Variants in DMXL2 observed in about 807,000 individuals in gnomAD.
The protein encoded by DMXL2 is dmX-like protein 2.
In DMXL2, 103 loss-of-function variants were observed where a neutral mutation model predicts 331.1. The ratio of observed to expected loss-of-function variants is 0.31; its 90% CI spans 0.27 to 0.37. The LOEUF is 0.37. Among genes scored for constraint, DMXL2 ranks in the 10% least tolerant of loss-of-function variants. The pLI, the probability that DMXL2 is intolerant of heterozygous loss-of-function variation, is 1.00. For synonymous variants in DMXL2, 1,281 were observed against 1,252.1 expected (o/e 1.02, Z -0.49); for missense variants, 3,171 against 3,642.9 (o/e 0.87, Z 3.33).
chr15:51,571,973 C>G (rs2050697835), intron 2 of DMXL2, among the ~76,000 whole-genome samples: 1 of 152,104 alleles, frequency 6.6e-6, no homozygotes. Flanking sequence ...ATGAAAAACT[C>G]TTCAAAAAAT....
chr15:51,509,927 A>C (rs1301560086), intron 15 of DMXL2, among the ~76,000 whole-genome samples: 1 of 152,228 alleles, frequency 6.6e-6, no homozygotes, highest in East Asian at 1.9e-4. Flanking sequence ...AATGTACTCC[A>C]TCACGTAAAC....
chr15:51,521,979 A>C (rs1481721000), intron 13 of DMXL2, among the ~76,000 whole-genome samples: 11 of 152,066 alleles, frequency 7.2e-5, no homozygotes, highest in Non-Finnish European at 1.6e-4. Flanking sequence ...ACACTATACC[A>C]CCCTATCTTT....
chr15:51,512,828 A>G (rs1345765464), intron 15 of DMXL2, among the ~76,000 whole-genome samples: 1 of 152,096 alleles, frequency 6.6e-6, no homozygotes, highest in Non-Finnish European at 1.5e-5. Flanking sequence ...AAAAAAAAAA[A>G]AAAATTCGGG....
At chr15:51,539,007 C>A (rs890600613) in intron 9 of DMXL2, among the ~76,000 whole-genome samples, 1 of 151,672 alleles carries the variant, frequency 6.6e-6, no homozygotes, top group Non-Finnish European at 1.5e-5. Flanking sequence ...CTCAGGAGAT[C>A]GAGACCAGCC....
Position 51,545,592 on chromosome 15 carries a change from A to G in DMXL2, c.921T>C (p.His307=). Residue 307 remains histidine (H), a synonymous_variant, in exon 8 of 44, where the codon CAT becomes CAC. Coordinates refer to ENST00000560891, the MANE Select transcript of DMXL2 (RefSeq NM_001378457.1). ...TTAAATAATATAATACCTCAAGAGC[A>G]TGCTGTATTCTGTCTTTGTGTCTTC... ...HAGRHKDRIQ[H]ALETIHHLKN... is the part of the protein sequence containing the mutation. 6.2e-7 allele frequency: 1 copy of G among 1,613,070 alleles called. No individual in the cohort carries two copies. Among genetic ancestry groups the G allele is most frequent in the Non-Finnish European group, 8.5e-7 (1 of 1,179,260 alleles).
intron 1 of DMXL2, among the ~76,000 whole-genome samples, chr15:51,607,293 A>G (rs2053655841): frequency 6.6e-6 from 1 of 151,102 alleles, no homozygotes; most frequent in African/African-American, 2.4e-5. Flanking sequence ...CGTCTCTACT[A>G]AAAATACAAA....
rs1176503750 is a variant in DMXL2, at chr15:51,542,571, C to T, written c.931-64G>A. The T allele has an allele frequency of 2.4e-6, 3 of 1,261,202 alleles. No homozygotes were observed. In the African/African-American group the frequency reaches 4.5e-5, roughly 19 times the overall value. The allele number at this position is 1,261,202 out of a possible 1,614,324, so 78.1% of individuals were successfully genotyped here. A position where few individuals can be genotyped will look rare whatever the true frequency, so the allele number is the denominator to read the frequency against. ...CCTCTAATAAATGCCAACCAAAGTA[C>T]TCTTAATTATTAAGAGGTTTAAGAT... On this transcript the variant is annotated intron_variant, in intron 8 of 43. Transcript: ENST00000560891.
At chr15:51,466,361 A>G (rs2040571772) in intron 29 of DMXL2, 50 bp from the exon 30 acceptor site, 1 of 701,046 alleles carries the variant, frequency 1.4e-6, no homozygotes, top group Non-Finnish European at 2.0e-6. Flanking sequence ...TTTCATAAAC[A>G]TATAAAATAT....
Position 51,450,183 on chromosome 15 carries a change from G to A in DMXL2, c.8913C>T (p.Ala2971=), listed in dbSNP as rs759293999. Residue 2971 remains alanine (A), a synonymous_variant, in exon 43 of 44, where the codon GCC becomes GCT. Coordinates refer to ENST00000560891, the MANE Select transcript of DMXL2 (RefSeq NM_001378457.1). ...QAHDSAIKAL[A]LDPYEEYFTT... ...TAAAATATTCCTCATAGGGATCCAA[G>A]GCCAGAGCCTTAATAGCTGAGTCAT... 4 of 1,613,856 alleles carry A rather than the reference G, an allele frequency of 2.5e-6. No homozygotes were observed. The African/African-American group carries it at 5.3e-5, about 22-fold the overall frequency.
chr15:51,603,265 G>C (rs2053355077), intron 1 of DMXL2, among the ~76,000 whole-genome samples: 1 of 151,834 alleles, frequency 6.6e-6, no homozygotes, highest in South Asian at 2.1e-4. Context: ...ATAAAAGAGG[G>C]GTATCAGTAC....
chr15:51,579,976 G>T (rs546348786), intron 1 of DMXL2, among the ~76,000 whole-genome samples: 5 of 152,142 alleles, frequency 3.3e-5, no homozygotes, highest in Non-Finnish European at 7.4e-5. Flanking sequence ...ACTGAATGAG[G>T]ATTCATTTGC....
chr15:51,568,511 G>GC lies in DMXL2; in HGVS notation c.260dup (p.Ile88HisfsTer5). 1 of 1,574,668 alleles carries GC rather than the reference G, an allele frequency of 6.4e-7. No individual in the cohort carries two copies. On this transcript the variant is annotated frameshift_variant, in exon 3 of 44. Transcript: ENST00000560891. LOFTEE classifies it high-confidence loss of function. The stretch of plus-strand genomic sequence containing the variant: ...CACAATTTCTTTTATGAGAATTTAT[G>GC]CCCAAGGGCTCAAATATACAAACAG...
At chr15:51,555,527 C>G (rs1054675181) in intron 6 of DMXL2, among the ~76,000 whole-genome samples, 1 of 152,078 alleles carries the variant, frequency 6.6e-6, no homozygotes, top group African/African-American at 2.4e-5. Context: ...ATAACAGTAA[C>G]AACTAAGCAG....
intron 21 of DMXL2, 101 bp from the exon 22 acceptor site, chr15:51,488,220 G>T: frequency 8.8e-7 from 1 of 1,134,238 alleles, no homozygotes. Context: ...AAATCTAAAA[G>T]AAGAACAATA....
chr15:51,615,063 C>G (rs764281375), intron 1 of DMXL2, among the ~76,000 whole-genome samples: 2 of 151,834 alleles, frequency 1.3e-5, no homozygotes, highest in Non-Finnish European at 2.9e-5. Flanking sequence ...ACATTAGATA[C>G]GGGACATAAA....
intron 1 of DMXL2, among the ~76,000 whole-genome samples, chr15:51,577,775 A>T (rs1005665265): frequency 6.6e-6 from 1 of 152,208 alleles, no homozygotes; most frequent in Non-Finnish European, 1.5e-5. Flanking sequence ...GTTTGAAATC[A>T]CACACACAGT....
intron 6 of DMXL2, among the ~76,000 whole-genome samples, chr15:51,558,787 T>G (rs1177814398): frequency 6.6e-6 from 1 of 152,238 alleles, no homozygotes; most frequent in Non-Finnish European, 1.5e-5. Context: ...TACTGAAATT[T>G]TAATTCCACA....
chr15:51,473,789 A>C (rs1595932531), intron 28 of DMXL2, among the ~76,000 whole-genome samples: 1 of 152,190 alleles, frequency 6.6e-6, no homozygotes, highest in Non-Finnish European at 1.5e-5. Context: ...AGAAACACAC[A>C]AGGAAAATGG....
At chr15:51,554,575 T>C (rs1295669287) in intron 6 of DMXL2, among the ~76,000 whole-genome samples, 1 of 152,230 alleles carries the variant, frequency 6.6e-6, no homozygotes, top group Admixed American at 6.5e-5. Flanking sequence ...GTCTCTACAT[T>C]TCTATCCAGA....
Sources: allele counts gnomAD v4.1 joint callset (sites outside exome capture counted in the v4.1 genomes callset), GRCh38; gene constraint gnomAD v4.1.1; transcripts MANE v1.5; gene names NCBI Gene and HGNC (gene_info 2026-07-23, HGNC 2026-07-21).